The following PLSCR2 variants were observed in gnomAD, a reference collection of about 807,000 sequenced individuals.
PLSCR2 encodes the protein phospholipid scramblase 2.
In PLSCR2, 18 loss-of-function variants were observed where a neutral mutation model predicts 25.3. The observed-to-expected ratio is 0.71, with a 90% confidence interval of 0.49 to 1.06. The LOEUF is 1.06. Among genes scored for constraint, PLSCR2 ranks in the 50% least tolerant of loss-of-function variants. The probability of loss-of-function intolerance (pLI) is 0.00; values close to 1 mark genes in which losing one functional copy is unlikely to be tolerated. For missense variants in PLSCR2, 243 were observed against 269.5 expected, an observed-to-expected ratio of 0.90 and a Z score of 0.69; for synonymous variants, 88 against 87.3, an observed-to-expected ratio of 1.01 and a Z score of -0.04.
At chr3:146,405,886 A>G (rs1298413042) in intron 2 of PLSCR2, among the ~76,000 whole-genome samples, 2 of 152,136 alleles carry the variant, frequency 1.3e-5, no homozygotes, top group Non-Finnish European at 2.9e-5. Flanking sequence ...ATTACTAAGA[A>G]TGGTGGAGGA....
intron 2 of PLSCR2, among the ~76,000 whole-genome samples, chr3:146,417,120 A>G (rs1298331237): frequency 6.6e-6 from 1 of 152,146 alleles, no homozygotes; most frequent in African/African-American, 2.4e-5. Context: ...CAAATTTTCT[A>G]ATTGGCCCTA....
chr3:146,463,905 T>C (rs895079250), upstream of PLSCR2: 6 of 973,758 alleles, frequency 6.2e-6, no homozygotes. Context: ...GTGAAACTCT[T>C]AAGAATTCTC....
intron 1 of PLSCR2, among the ~76,000 whole-genome samples, chr3:146,474,244 A>C (rs143966135): frequency 8.5e-4 from 130 of 152,290 alleles, no homozygotes; most frequent in African/African-American, 3.0e-3. Context: ...TCTTACTCAA[A>C]ACATGCTATC....
At chr3:146,459,722 A>G (rs2041446060) in intron 2 of PLSCR2, 126 bp downstream of exon 2, 1 of 677,790 alleles carries the variant, frequency 1.5e-6, no homozygotes, top group South Asian at 2.0e-5. Flanking sequence ...GCTGTTTACC[A>G]TTTCTGACTT....
At chr3:146,460,133 A>G (rs1392338750) in intron 1 of PLSCR2, 50 bp from the exon 2 acceptor site, 1 of 1,418,736 alleles carries the variant, frequency 7.0e-7, no homozygotes, top group Admixed American at 2.5e-5. Flanking sequence ...AAAAGTCATC[A>G]ATCCTTTTTA....
chr3:146,455,533 A>G (rs139683583), intron 3 of PLSCR2, 74 bp from the exon 4 acceptor site: 19 of 853,236 alleles, frequency 2.2e-5, no homozygotes, highest in African/African-American at 2.2e-4. Flanking sequence ...ATATCTAGCT[A>G]GTTTTAGATG....
In PLSCR2 at chr3:146,494,868, C is replaced by T. The variant is rs904599348; in HGVS notation, c.-293+1027G>A. On this transcript the variant is annotated intron_variant, in intron 1 of 8. Transcript: ENST00000336685. ...CATGAGGTCTCATACTTATGAAACACTCTTATCTCTAGAAGTGTTTCCTAG... is the reference window on the plus strand; with the variant it reads ...CATGAGGTCTCATACTTATGAAACATTCTTATCTCTAGAAGTGTTTCCTAG... 22 of 152,162 alleles carry T rather than the reference C, an allele frequency of 1.4e-4. 1 individual carries two copies. The highest frequency in any genetic ancestry group is 2.9e-4 in the Non-Finnish European group (20 of 68,020). 9.4% of individuals were successfully genotyped at this position (152,162 alleles called of 1,614,324 possible). A position where few individuals can be genotyped will look rare whatever the true frequency, so the allele number is the denominator to read the frequency against.
intron 2 of PLSCR2, among the ~76,000 whole-genome samples, chr3:146,411,157 G>A (rs949715447): frequency 6.6e-6 from 1 of 152,114 alleles, no homozygotes; most frequent in African/African-American, 2.4e-5. Context: ...GAGAAAGAGA[G>A]AGAGACCAGT....
Position 146,398,317 on chromosome 3 carries a change from G to A in PLSCR2, c.101-2396C>T, listed in dbSNP as rs79265944. Among the ~76,000 whole-genome samples the A allele has an allele frequency of 9.4e-3, 1,422 of 151,834 alleles. 13 individuals carry two copies. Among genetic ancestry groups the A allele is most frequent in the African/African-American group, 0.022 (923 of 41,534 alleles). On this transcript the variant is annotated intron_variant and NMD_transcript_variant, in intron 2 of 3. Coordinates refer to the PLSCR2 transcript ENST00000463633. ...AAGTTTTATAAAAAGCAGAAACTGC[G>A]TTAATGAACATTAATATAACACATT...
chr3:146,478,112 C>T (rs2042986947), intron 1 of PLSCR2, among the ~76,000 whole-genome samples: 1 of 152,160 alleles, frequency 6.6e-6, no homozygotes, highest in African/African-American at 2.4e-5. Context: ...AGGTCACCAA[C>T]ATCAAAGACC....
chr3:146,404,137 C>A (rs2038570513), intron 2 of PLSCR2, among the ~76,000 whole-genome samples: 1 of 152,164 alleles, frequency 6.6e-6, no homozygotes, highest in African/African-American at 2.4e-5. Flanking sequence ...GGGATAAGAA[C>A]CCCTTTCCCT....
intron 2 of PLSCR2, among the ~76,000 whole-genome samples, chr3:146,407,157 T>C (rs2038684229): frequency 6.6e-6 from 1 of 152,188 alleles, no homozygotes; most frequent in Non-Finnish European, 1.5e-5. Flanking sequence ...GTGCGGTTTA[T>C]GCGTTCTACC....
chr3:146,459,863 C>T, exon 2 of PLSCR2: 1 of 1,611,090 alleles, frequency 6.2e-7, no homozygotes, highest in Non-Finnish European at 8.5e-7. Flanking sequence ...TTAAGTATTC[C>T]AATCCTGGCG....
chr3:146,413,970 AT>A (rs2038932027), intron 2 of PLSCR2, among the ~76,000 whole-genome samples: 2 of 149,670 alleles, frequency 1.3e-5, no homozygotes. Context: ...ACAGAGATTT[AT>A]TTCTAAAATT....
intron 1 of PLSCR2, among the ~76,000 whole-genome samples, chr3:146,477,343 G>A (rs746064963): frequency 2.0e-5 from 3 of 152,176 alleles, no homozygotes; most frequent in East Asian, 1.9e-4. Flanking sequence ...AAGGGAAGCC[G>A]TGAGAGACTG....
At chr3:146,483,337 C>T (rs536747632) in intron 1 of PLSCR2, among the ~76,000 whole-genome samples, 28 of 148,596 alleles carry the variant, frequency 1.9e-4, no homozygotes, top group African/African-American at 6.2e-4. Flanking sequence ...ATGTAAATGA[C>T]GAGTTGATGG....
upstream of PLSCR2, among the ~76,000 whole-genome samples, chr3:146,464,825 C>T (rs1274775693): frequency 6.6e-6 from 1 of 152,148 alleles, no homozygotes; most frequent in Non-Finnish European, 1.5e-5. Flanking sequence ...TAATTATAAA[C>T]TTCTGCACTC....
In PLSCR2 at chr3:146,400,810, A is replaced by G. The variant is rs184831629; in HGVS notation, c.101-4889T>C. On this transcript the variant is annotated intron_variant and NMD_transcript_variant, in intron 2 of 3. Transcript: ENST00000463633. ...TGTGTATATATATTTGTATGTATATACATAGGTAGAACGATGGAAGAGAGT... is the reference window on the plus strand; with the variant it reads ...TGTGTATATATATTTGTATGTATATGCATAGGTAGAACGATGGAAGAGAGT... Among the ~76,000 whole-genome samples, 14 of 152,030 alleles carry G rather than the reference A, an allele frequency of 9.2e-5. 1 individual carries two copies. In the East Asian group the frequency reaches 2.5e-3, roughly 27 times the overall value.
chr3:146,397,707 A>T (rs368377489), intron 2 of PLSCR2, among the ~76,000 whole-genome samples: 14 of 152,222 alleles, frequency 9.2e-5, no homozygotes, highest in African/African-American at 3.1e-4. Flanking sequence ...TCTGAAATAT[A>T]AAAAAATGCA....
Sources: gnomAD v4.1 joint callset for allele counts (sites outside exome capture counted in the v4.1 genomes callset) on GRCh38, gnomAD v4.1.1 for gene constraint, MANE v1.5 for transcripts, NCBI Gene and HGNC (gene_info 2026-07-23, HGNC 2026-07-21) for gene names.